Variants in SYT1 observed in about 807,000 individuals in gnomAD.
SYT1 encodes the protein synaptotagmin-1.
In SYT1, 8 loss-of-function variants were observed where a neutral mutation model predicts 44.8. That is an observed-to-expected ratio of 0.18 (90% confidence interval 0.10 to 0.32). SYT1 has a LOEUF of 0.32. Ranked by LOEUF, SYT1 falls within the 10% of genes least tolerant of loss-of-function variation. The pLI is 1.00. For synonymous variants in SYT1, 154 were observed against 188.8 expected, an observed-to-expected ratio of 0.82 and a Z score of 1.51; for missense variants, 286 against 509.3, an observed-to-expected ratio of 0.56 and a Z score of 4.22.
intron 2 of SYT1, among the ~76,000 whole-genome samples, chr12:78,989,707 T>G (rs1053657144): frequency 1.3e-5 from 2 of 152,094 alleles, no homozygotes; most frequent in African/African-American, 4.8e-5. Flanking sequence ...TATACCATCC[T>G]TTGCAAAAGG....
chr12:78,870,886 C>T (rs940419155), intron 1 of SYT1, among the ~76,000 whole-genome samples: 2 of 152,020 alleles, frequency 1.3e-5, no homozygotes, highest in South Asian at 2.1e-4. Context: ...GACATGAATA[C>T]TCAGTCAAAA....
intron 9 of SYT1, among the ~76,000 whole-genome samples, chr12:79,400,491 G>A (rs1885030306): frequency 6.6e-6 from 1 of 152,124 alleles, no homozygotes; most frequent in Non-Finnish European, 1.5e-5. Context: ...ATCCTAGAGT[G>A]TATCAGACGG....
intron 4 of SYT1, among the ~76,000 whole-genome samples, chr12:79,269,161 T>C (rs563959753): frequency 3.6e-4 from 55 of 152,118 alleles, no homozygotes; most frequent in African/African-American, 1.3e-3. Flanking sequence ...TTTTCATACA[T>C]TTGTTCGCTT....
chr12:79,284,601 G>T (rs951470672), intron 4 of SYT1, among the ~76,000 whole-genome samples: 9 of 152,056 alleles, frequency 5.9e-5, no homozygotes, highest in East Asian at 1.9e-4. Context: ...ACTTTGCAAG[G>T]CCGAGGCAGG....
rs186557150 is a variant in SYT1 at position 78,878,146 on chromosome 12, G to T, written c.-217+13037G>T. ...GTTGATATATTGCACTCTTTTTTGT[G>T]TGTGTGTGTGTGGATAAACTTTCTT... On this transcript the variant is annotated intron_variant, in intron 1 of 10. Transcript: ENST00000261205. 1.4e-3 allele frequency among the ~76,000 whole-genome samples: 215 copies of T among 151,332 alleles called. 2 individuals carry two copies. The highest frequency in any genetic ancestry group is 4.7e-3 in the African/African-American group (196 of 41,274).
intron 8 of SYT1, among the ~76,000 whole-genome samples, chr12:79,303,148 CTTAA>C (rs1311538716): frequency 6.6e-6 from 1 of 152,104 alleles, no homozygotes; most frequent in Non-Finnish European, 1.5e-5. Flanking sequence ...AATATTTTGA[CTTAA>C]TTATTTCAAA....
intron 1 of SYT1, among the ~76,000 whole-genome samples, chr12:78,898,431 T>C (rs185159659): frequency 6.6e-6 from 1 of 152,208 alleles, no homozygotes; most frequent in Admixed American, 6.6e-5. Context: ...ATTTTATCAT[T>C]GTGTCAAAGA....
At chr12:79,180,947 G>A (rs760771841) in intron 3 of SYT1, among the ~76,000 whole-genome samples, 4 of 151,976 alleles carry the variant, frequency 2.6e-5, no homozygotes, top group South Asian at 2.1e-4. Flanking sequence ...TCATGATAGC[G>A]AGTGAGTTCT....
At chr12:79,375,828 C>G (rs1741620841) in intron 9 of SYT1, among the ~76,000 whole-genome samples, 1 of 152,046 alleles carries the variant, frequency 6.6e-6, no homozygotes, top group African/African-American at 2.4e-5. Context: ...GGGCGCCTGA[C>G]TCAAAAGTAC....
At chr12:79,002,946 T>TTACAAACTA (rs1187341876) in intron 2 of SYT1, among the ~76,000 whole-genome samples, 1 of 152,022 alleles carries the variant, frequency 6.6e-6, no homozygotes, top group East Asian at 1.9e-4. Context: ...CTAAGGAGTG[T>TTACAAACTA]TACAAACTAT....
intron 1 of SYT1, among the ~76,000 whole-genome samples, chr12:78,930,605 T>C (rs1034275450): frequency 2.0e-5 from 3 of 151,632 alleles, no homozygotes; most frequent in Non-Finnish European, 4.4e-5. Flanking sequence ...CTTTTGTAGA[T>C]TGATAATGAC....
At chr12:79,055,165 T>C (rs1303636863) in intron 3 of SYT1, among the ~76,000 whole-genome samples, 1 of 151,992 alleles carries the variant, frequency 6.6e-6, no homozygotes, top group African/African-American at 2.4e-5. Context: ...AGGCAATGTC[T>C]TTGTTTATAT....
intron 2 of SYT1, among the ~76,000 whole-genome samples, chr12:79,042,932 G>A (rs958685234): frequency 9.5e-4 from 144 of 151,256 alleles, no homozygotes; most frequent in African/African-American, 3.2e-3. Flanking sequence ...GTAGTTGAGC[G>A]GTTTTGAATG....
intron 1 of SYT1, among the ~76,000 whole-genome samples, chr12:78,955,976 C>A (rs1288121460): frequency 6.6e-6 from 1 of 151,758 alleles, no homozygotes; most frequent in Non-Finnish European, 1.5e-5. Flanking sequence ...ATGAGTTGAT[C>A]TGTGTGGAAT....
At chr12:79,279,027 A>C (rs1592924928) in intron 4 of SYT1, among the ~76,000 whole-genome samples, 1 of 145,738 alleles carries the variant, frequency 6.9e-6, no homozygotes, top group East Asian at 2.1e-4. Context: ...AAAAAAAAAA[A>C]CCTCACAACA....
intron 3 of SYT1, among the ~76,000 whole-genome samples, chr12:79,103,504 AT>A (rs979539664): frequency 7.9e-5 from 12 of 151,866 alleles, no homozygotes; most frequent in East Asian, 1.9e-4. Context: ...CTTACTAAAA[AT>A]TTTTTTTAAA....
intron 2 of SYT1, among the ~76,000 whole-genome samples, chr12:79,034,451 G>A (rs976383633): frequency 6.6e-6 from 1 of 151,526 alleles, no homozygotes. Context: ...AAATTACAGA[G>A]ACTTTTTTGC....
intron 1 of SYT1, among the ~76,000 whole-genome samples, chr12:78,906,610 G>T (rs779936185): frequency 6.6e-6 from 1 of 152,118 alleles, no homozygotes; most frequent in Non-Finnish European, 1.5e-5. Context: ...AGTTGTGAGG[G>T]ATACACTGGA....
At chr12:79,124,677 G>T (rs937137536) in intron 3 of SYT1, among the ~76,000 whole-genome samples, 2 of 151,832 alleles carry the variant, frequency 1.3e-5, no homozygotes, top group African/African-American at 4.8e-5. Context: ...AGATTCTTTG[G>T]GAGAAAAATG....
Sources: allele counts gnomAD v4.1 joint callset (sites outside exome capture counted in the v4.1 genomes callset), GRCh38; gene constraint gnomAD v4.1.1; transcripts MANE v1.5; gene names NCBI Gene and HGNC (gene_info 2026-07-23, HGNC 2026-07-21).